Variants in ABCB4 observed in about 807,000 individuals in gnomAD.
ABCB4 encodes phosphatidylcholine translocator ABCB4.
ABCB4 carries 76 observed loss-of-function variants against 145.7 expected under a neutral mutation model. That is an observed-to-expected ratio of 0.52 (90% CI 0.43 to 0.63). ABCB4 has a LOEUF of 0.63. ABCB4 is among the 30% of genes least tolerant of loss of function. The pLI is 0.00. For synonymous variants in ABCB4, 517 were observed against 566.8 expected (o/e 0.91, Z 1.25); for missense variants, 1,234 against 1,553.1 (o/e 0.79, Z 3.45).
intron 8 of ABCB4, among the ~76,000 whole-genome samples, chr7:87,449,750 T>C (rs542590697): frequency 6.6e-6 from 1 of 152,294 alleles, no homozygotes; most frequent in East Asian, 1.9e-4. Flanking sequence ...AGTCCATTTG[T>C]ATTATCACAT....
At chr7:87,465,510 T>G (rs888384153) in intron 3 of ABCB4, among the ~76,000 whole-genome samples, 1 of 152,168 alleles carries the variant, frequency 6.6e-6, no homozygotes, top group African/African-American at 2.4e-5. Context: ...CAGAAACCTC[T>G]GCAGACTTAA....
At position 87,452,956 on chromosome 7, in the gene ABCB4, G is replaced by A. The variant is rs746166913; in HGVS notation, c.524C>T (p.Thr175Met). Reference protein sequence around the residue: ...FDINDTTELNTRLTDDISKIS... With the variant: ...FDINDTTELNMRLTDDISKIS... ...ACAATGTACCTACTCTGTTAGCCGC[G>A]TATTGAGTTCAGTGGTGTCGTTGAT... The change falls in exon 6 of 28, where the codon ACG becomes ATG. Residue 175 changes from threonine (T) to methionine (M), a missense_variant. Transcript: ENST00000649586. The A allele has an allele frequency of 1.2e-4, 201 of 1,613,856 alleles. 1 individual carries two copies. The South Asian group carries it at 1.8e-3, about 14-fold the overall frequency.
At chr7:87,445,076 T>A in intron 9 of ABCB4, 101 bp from the exon 10 acceptor site, 1 of 835,648 alleles carries the variant, frequency 1.2e-6, no homozygotes, top group Non-Finnish European at 1.9e-6. Context: ...GGATTAAGTT[T>A]AGGTTTATCC....
At chr7:87,475,898 G>C (rs891436342), upstream of ABCB4, among the ~76,000 whole-genome samples, 2 of 152,026 alleles carry the variant, frequency 1.3e-5, no homozygotes, top group African/African-American at 4.8e-5. Flanking sequence ...CCCGGCTGGG[G>C]CCGCCGCCCA....
In ABCB4 at chr7:87,462,923, T is replaced by C. The variant is rs1812562353; in HGVS notation, c.136-15A>G. 3.1e-6 allele frequency: 5 copies of C among 1,610,192 alleles called. No homozygotes were observed. The highest frequency in any genetic ancestry group is 3.4e-6 in the Non-Finnish European group (4 of 1,176,774). ...GAGTATCGAAACTAAAAAAAGGAAATAAAATAATACTTAGCTGTGGAATGG... is the reference window on the plus strand; with the variant it reads ...GAGTATCGAAACTAAAAAAAGGAAACAAAATAATACTTAGCTGTGGAATGG... On this transcript the variant is annotated splice_polypyrimidine_tract_variant and intron_variant, in intron 3 of 27. Transcript: ENST00000649586.
the ABCB4 span, chr7:87,392,524 TGCA>T: frequency 2.1e-5 from 32 of 1,514,950 alleles, no homozygotes; most frequent in Admixed American, 6.9e-5. Context: ...AGTTGGGTTT[TGCA>T]CAGTGTGTTA....
chr7:87,400,029 G>A (rs1807712399), downstream of ABCB4, among the ~76,000 whole-genome samples: 2 of 152,044 alleles, frequency 1.3e-5, no homozygotes, highest in African/African-American at 4.8e-5. Flanking sequence ...AAATTTGGTG[G>A]CTGGGACTGT....
Position 87,451,635 on chromosome 7 carries a change from G to A in ABCB4, c.696C>T (p.Ala232=), listed in dbSNP as rs8187791. The change falls in exon 7 of 28, where the codon GCC becomes GCT. Residue 232 remains alanine (A), a synonymous_variant. Coordinates refer to ENST00000649586, the MANE Select transcript of ABCB4 (RefSeq NM_000443.4). ...AISPILGLSA[A]VWAKILSAFS... ...AGCTTTCACATACCTTTGCCCAAAC[G>A]GCTGCAGAGAGTCCTAGAATAGGGC... 3.2e-4 allele frequency: 518 copies of A among 1,614,064 alleles called. 5 individuals carry two copies. The East Asian group carries it at 6.6e-3, about 21-fold the overall frequency.
At chr7:87,413,558 A>G (rs559060956) in intron 22 of ABCB4, 59 bp downstream of exon 22, 1 of 1,076,958 alleles carries the variant, frequency 9.3e-7, no homozygotes, top group Non-Finnish European at 1.4e-6. Flanking sequence ...TCTTTTTGGG[A>G]CAATAATTCA....
the ABCB4 span, among the ~76,000 whole-genome samples, chr7:87,370,441 C>T: frequency 1.3e-5 from 2 of 152,124 alleles, no homozygotes; most frequent in East Asian, 3.8e-4. Context: ...CCTTGGCCTC[C>T]CAAAGTGCTG....
intron 26 of ABCB4, among the ~76,000 whole-genome samples, chr7:87,405,679 C>A (rs1457619540): frequency 2.6e-5 from 4 of 152,120 alleles, no homozygotes; most frequent in Admixed American, 6.6e-5. Flanking sequence ...CCCACCTTGG[C>A]CTCCCAAAGT....
chr7:87,370,380 G>T, the ABCB4 span, among the ~76,000 whole-genome samples: 3 of 152,018 alleles, frequency 2.0e-5, no homozygotes, highest in Admixed American at 2.0e-4. Flanking sequence ...ATGAGGTTTT[G>T]CCGTGTTGGC....
intron 27 of ABCB4, 50 bp downstream of exon 27, chr7:87,403,085 C>T (rs754735033): frequency 2.5e-6 from 4 of 1,598,974 alleles, no homozygotes; most frequent in East Asian, 2.2e-5. Context: ...CAGCAAAATC[C>T]CTTCTATTTC....
At chr7:87,367,556 C>T in the ABCB4 span, among the ~76,000 whole-genome samples, 1 of 152,120 alleles carries the variant, frequency 6.6e-6, no homozygotes, top group Non-Finnish European at 1.5e-5. Flanking sequence ...AATATTTGCC[C>T]ATTCTCTACC....
At chr7:87,384,478 G>A in the ABCB4 span, among the ~76,000 whole-genome samples, 1 of 152,214 alleles carries the variant, frequency 6.6e-6, no homozygotes, top group African/African-American at 2.4e-5. Context: ...GTTGCAGTGA[G>A]CTGAGATCGT....
chr7:87,466,439 T>C (rs1305544604), intron 3 of ABCB4, among the ~76,000 whole-genome samples: 1 of 152,124 alleles, frequency 6.6e-6, no homozygotes, highest in Admixed American at 6.5e-5. Context: ...TACCTGAAAG[T>C]GACAGGATTA....
chr7:87,475,513 C>T (rs1247911058), intron 1 of ABCB4, 42 bp from the exon 2 acceptor site: 10 of 1,602,248 alleles, frequency 6.2e-6, no homozygotes, highest in Admixed American at 1.7e-5. Context: ...ACACCCTCTC[C>T]GGCGGCCCGG....
chr7:87,454,576 C>T lies in ABCB4; in HGVS notation c.303G>A (p.Ser101=), dbSNP rs886044650. ...NFSFPVNFSL[S]LLNPGKILEE... is the part of the protein sequence containing the mutation. ...CCAGAATTTTGCCTGGATTTAGCAG[C>T]GACAAGGAAAAGTTCACTAAATTAA... The change falls in exon 5 of 28, where the codon TCG becomes TCA. Residue 101 remains serine (S), a synonymous_variant. Coordinates refer to ENST00000649586, the MANE Select transcript of ABCB4 (RefSeq NM_000443.4). 2 of 1,610,506 alleles carry T rather than the reference C, an allele frequency of 1.2e-6. No individual in the cohort carries two copies. Among genetic ancestry groups the T allele is most frequent in the South Asian group, 1.1e-5 (1 of 90,438 alleles).
rs1808779124 is a variant in ABCB4 at position 87,413,674 on chromosome 7, A to G, written c.2726T>C (p.Leu909Ser). Residue 909 changes from leucine to serine, a missense_variant, in exon 22 of 28, where the codon TTG (leucine) becomes TCG (serine). Coordinates refer to ENST00000649586, the MANE Select transcript of ABCB4 (RefSeq NM_000443.4). ...TGATTCAAATTTTCTTTCCTGGGTC[A>G]AAGACACAACTGTCCTAATATTTTC... ...AIENIRTVVSLTQERKFESMY... is the reference protein window; with the variant it reads ...AIENIRTVVSSTQERKFESMY... 6.2e-7 allele frequency: 1 copy of G among 1,612,786 alleles called. No individual in the cohort carries two copies. The highest frequency in any genetic ancestry group is 1.3e-5 in the African/African-American group (1 of 74,906).
Sources: gnomAD v4.1 joint callset for allele counts (sites outside exome capture counted in the v4.1 genomes callset) on GRCh38, gnomAD v4.1.1 for gene constraint, MANE v1.5 for transcripts, NCBI Gene and HGNC (gene_info 2026-07-23, HGNC 2026-07-21) for gene names.